Variants in SLC17A6 observed in about 807,000 individuals in gnomAD.
SLC17A6 encodes the protein solute carrier family 17 member 6.
SLC17A6 carries 35 observed loss-of-function variants against 67.1 expected under a neutral mutation model. That is an observed-to-expected ratio of 0.52 (90% CI 0.40 to 0.69). The LOEUF (loss-of-function observed/expected upper bound fraction) is 0.69, where lower values mean the gene tolerates loss of function less well. SLC17A6 is among the 30% of genes least tolerant of loss of function. The pLI is 0.00. For missense variants in SLC17A6, 588 were observed against 723.9 expected, an observed-to-expected ratio of 0.81 and a Z score of 2.15; for synonymous variants, 285 against 252.3, an observed-to-expected ratio of 1.13 and a Z score of -1.23.
intron 3 of SLC17A6, among the ~76,000 whole-genome samples, chr11:22,348,816 G>C (rs1045787627): frequency 6.6e-6 from 1 of 152,096 alleles, no homozygotes; most frequent in Non-Finnish European, 1.5e-5. Flanking sequence ...TAAATATTCT[G>C]GCTGGCATAA....
chr11:22,370,366 T>C (rs1325865428), intron 8 of SLC17A6, among the ~76,000 whole-genome samples, 178 bp downstream of exon 8: 1 of 152,148 alleles, frequency 6.6e-6, no homozygotes, highest in African/African-American at 2.4e-5. Flanking sequence ...CTGTATTCTG[T>C]TGTCTGCTAG....
chr11:22,364,391 C>G (rs1276434028), intron 6 of SLC17A6, among the ~76,000 whole-genome samples: 1 of 151,934 alleles, frequency 6.6e-6, no homozygotes, highest in Admixed American at 6.6e-5. Flanking sequence ...TTTCTATATT[C>G]CCATAAAAAT....
intron 1 of SLC17A6, among the ~76,000 whole-genome samples, chr11:22,339,178 G>A (rs201799419): frequency 2.7e-4 from 8 of 29,538 alleles, no homozygotes; most frequent in African/African-American, 4.7e-4. Context: ...ATATATATAT[G>A]TTTTATATAT....
intron 8 of SLC17A6, among the ~76,000 whole-genome samples, chr11:22,372,053 T>C (rs1053800238): frequency 1.3e-5 from 2 of 152,084 alleles, no homozygotes; most frequent in Non-Finnish European, 2.9e-5. Context: ...AATGATATTA[T>C]TTAAGAAGTG....
Position 22,377,591 on chromosome 11 carries a change from A to C in SLC17A6, c.1600A>C (p.Asn534His). The change falls in exon 12 of 12, where the codon AAT becomes CAT. Residue 534 changes from asparagine to histidine, a missense_variant. Asn to His is a moderately conservative substitution (Grantham distance 68). Around this residue, in one of 4 missense-constraint regions of SLC17A6, gnomAD observed 414 missense variants for 563.4 expected, o/e 0.73. Transcript: ENST00000263160. ...TGAAGAAACAGGGGACATTACTCAAAATTATATAAATTATGGTACCACCAA... is the reference window on the plus strand; with the variant it reads ...TGAAGAAACAGGGGACATTACTCAACATTATATAAATTATGGTACCACCAA... ...LDEETGDITQ[N>H]YINYGTTKSY... 1 of 1,614,140 alleles carries C rather than the reference A, an allele frequency of 6.2e-7. No individual in the cohort carries two copies. The highest frequency in any genetic ancestry group is 8.5e-7 in the Non-Finnish European group (1 of 1,180,014).
At chr11:22,361,294 T>G (rs1856049162) in intron 5 of SLC17A6, 1 of 197,652 alleles carries the variant, frequency 5.1e-6, no homozygotes, top group Admixed American at 5.8e-5. Context: ...CAGTATTTTC[T>G]TTTTATTATA....
intron 6 of SLC17A6, among the ~76,000 whole-genome samples, chr11:22,363,644 G>A (rs1215442025): frequency 1.3e-5 from 2 of 152,106 alleles, no homozygotes; most frequent in Non-Finnish European, 2.9e-5. Flanking sequence ...GTTCTCATCA[G>A]AACAAATTAT....
chr11:22,342,912 G>A, intron 2 of SLC17A6: 1 of 477,646 alleles, frequency 2.1e-6, no homozygotes, highest in South Asian at 1.5e-5. Context: ...CTCCACATCT[G>A]GCTAACAAAT....
At chr11:22,371,380 C>G (rs953448184) in intron 8 of SLC17A6, among the ~76,000 whole-genome samples, 1 of 152,038 alleles carries the variant, frequency 6.6e-6, no homozygotes, top group Non-Finnish European at 1.5e-5. Flanking sequence ...ATTCTAAGAG[C>G]TCTTTTGTAA....
At chr11:22,356,334 G>T (rs192315481) in intron 3 of SLC17A6, among the ~76,000 whole-genome samples, 1 of 152,202 alleles carries the variant, frequency 6.6e-6, no homozygotes, top group African/African-American at 2.4e-5. Context: ...TGGCTGTGTG[G>T]CAAGACAAGG....
rs768509908 is a variant in SLC17A6 at position 22,376,651 on chromosome 11, T to C, written c.1392T>C (p.Val464=). The change falls in exon 11 of 12, where the codon GTT becomes GTC. Residue 464 remains valine (V), a synonymous_variant. Coordinates refer to ENST00000263160, the MANE Select transcript of SLC17A6 (RefSeq NM_020346.3). ...TLSGMVCPII[V]GAMTKNKSRE... The stretch of plus-strand genomic sequence containing the variant: ...CAGGAATGGTTTGTCCTATCATTGT[T>C]GGTGCAATGACAAAGAATAAGGTAA... The C allele has an allele frequency of 6.2e-7, 1 of 1,613,876 alleles. No homozygotes were observed. The highest frequency in any genetic ancestry group is 8.5e-7 in the Non-Finnish European group (1 of 1,179,796).
At chr11:22,366,862 C>T (rs935241282) in intron 7 of SLC17A6, among the ~76,000 whole-genome samples, 3 of 151,788 alleles carry the variant, frequency 2.0e-5, no homozygotes, top group Admixed American at 6.6e-5. Flanking sequence ...AAATATTACC[C>T]GGGCCTGGTG....
chr11:22,343,396 G>A, intron 3 of SLC17A6, 31 bp downstream of exon 3: 2 of 1,569,236 alleles, frequency 1.3e-6, no homozygotes, highest in Non-Finnish European at 1.7e-6. Context: ...GGGGCTCGGG[G>A]CGTGGTGTTT....
At chr11:22,357,998 G>C (rs561865103) in intron 3 of SLC17A6, among the ~76,000 whole-genome samples, 1 of 152,270 alleles carries the variant, frequency 6.6e-6, no homozygotes, top group East Asian at 1.9e-4. Context: ...AATAGAAAAA[G>C]TTTTAATTCA....
At chr11:22,370,307 A>G (rs1856161277) in intron 8 of SLC17A6, 119 bp downstream of exon 8, 2 of 787,808 alleles carry the variant, frequency 2.5e-6, no homozygotes, top group South Asian at 1.9e-5. Flanking sequence ...TATTCATTAA[A>G]CAAATAACTG....
At chr11:22,365,850 G>T (rs1856106049) in intron 7 of SLC17A6, among the ~76,000 whole-genome samples, 161 bp downstream of exon 7, 1 of 152,022 alleles carries the variant, frequency 6.6e-6, no homozygotes, top group African/African-American at 2.4e-5. Context: ...AGGAATAATA[G>T]CTATTTCCTC....
chr11:22,372,641 A>C (rs528665033), intron 8 of SLC17A6, among the ~76,000 whole-genome samples: 3 of 152,234 alleles, frequency 2.0e-5, no homozygotes, highest in African/African-American at 7.2e-5. Flanking sequence ...TCAGATAGGA[A>C]GACATACGAT....
Position 22,378,846 on chromosome 11 carries a change from C to A in SLC17A6, c.*1106C>A, listed in dbSNP as rs147729755. The A allele has an allele frequency of 6.2e-4, 94 of 152,086 alleles. No individual in the cohort carries two copies. The highest frequency in any genetic ancestry group is 2.1e-3 in the African/African-American group (88 of 41,542). The allele number at this position is 152,086 out of a possible 1,614,324, so 9.4% of individuals were successfully genotyped here. Reference sequence around the variant, plus strand: ...TACATTATATTAAAATGGTCTCTCTCTATATATATCTGTATATCTTATACA... The same window carrying A: ...TACATTATATTAAAATGGTCTCTCTATATATATATCTGTATATCTTATACA... On this transcript the variant is annotated 3_prime_UTR_variant, in exon 12 of 12. Coordinates refer to ENST00000263160, the MANE Select transcript of SLC17A6 (RefSeq NM_020346.3).
At chr11:22,353,938 T>C (rs1477340994) in intron 3 of SLC17A6, among the ~76,000 whole-genome samples, 3 of 152,198 alleles carry the variant, frequency 2.0e-5, no homozygotes, top group Admixed American at 2.0e-4. Flanking sequence ...ACCTGGGAAC[T>C]GGTTAGAAAT....
Sources: allele counts gnomAD v4.1 joint callset (sites outside exome capture counted in the v4.1 genomes callset), GRCh38; gene constraint gnomAD v4.1.1; regional missense constraint gnomAD v4.1.1; transcripts MANE v1.5; gene names NCBI Gene and HGNC (gene_info 2026-07-23, HGNC 2026-07-21).